RGL1: variants seen among roughly 807,000 people sequenced by gnomAD.
RGL1 encodes ral guanine nucleotide dissociation stimulator like 1.
RGL1 carries 24 observed loss-of-function variants against 95.2 expected under a neutral mutation model. The ratio of observed to expected loss-of-function variants is 0.25; its 90% CI spans 0.18 to 0.35. RGL1 has a LOEUF of 0.35. Among genes scored for constraint, RGL1 ranks in the 10% least tolerant of loss-of-function variants. The pLI, the probability that RGL1 is intolerant of heterozygous loss-of-function variation, is 1.00. For missense variants in RGL1, 715 were observed against 936.3 expected, an observed-to-expected ratio of 0.76 and a Z score of 3.08; for synonymous variants, 329 against 344.9, an observed-to-expected ratio of 0.95 and a Z score of 0.51.
At chr1:183,731,602 C>T (rs1156845309) in intron 1 of RGL1, among the ~76,000 whole-genome samples, 2 of 152,100 alleles carry the variant, frequency 1.3e-5, no homozygotes, top group African/African-American at 4.8e-5. Context: ...GTAACATGGC[C>T]ACAATTCTGT....
At chr1:183,650,458 G>C (rs1251444612) in intron 1 of RGL1, among the ~76,000 whole-genome samples, 1 of 152,108 alleles carries the variant, frequency 6.6e-6, no homozygotes, top group African/African-American at 2.4e-5. Flanking sequence ...CAGGAGAATA[G>C]CGTGAACCCA....
intron 1 of RGL1, chr1:183,636,509 A>C: frequency 4.5e-6 from 1 of 221,922 alleles, no homozygotes; most frequent in Admixed American, 5.8e-5. Flanking sequence ...TCGGTATCAA[A>C]TCTATTGGGA....
intron 1 of RGL1, among the ~76,000 whole-genome samples, chr1:183,717,721 A>G (rs535136638): frequency 2.0e-5 from 3 of 152,372 alleles, no homozygotes; most frequent in Non-Finnish European, 4.4e-5. Context: ...TGTGGCTGAT[A>G]AACTAGTGGA....
At chr1:183,715,213 A>T (rs942943908) in intron 1 of RGL1, among the ~76,000 whole-genome samples, 4 of 152,014 alleles carry the variant, frequency 2.6e-5, no homozygotes, top group African/African-American at 9.7e-5. Flanking sequence ...TGTTTGGATG[A>T]TCTCTGACAT....
intron 1 of RGL1, among the ~76,000 whole-genome samples, chr1:183,667,067 G>C (rs1184991069): frequency 2.6e-5 from 4 of 152,148 alleles, no homozygotes; most frequent in Admixed American, 1.3e-4. Flanking sequence ...TGTTTTCTTG[G>C]AGTATTGATC....
At chr1:183,808,334 A>G (rs1303699294) in intron 2 of RGL1, among the ~76,000 whole-genome samples, 1 of 152,194 alleles carries the variant, frequency 6.6e-6, no homozygotes, top group African/African-American at 2.4e-5. Flanking sequence ...AAATACTGAG[A>G]AGGAGGATAA....
intron 1 of RGL1, among the ~76,000 whole-genome samples, chr1:183,729,073 G>A (rs1656474864): frequency 6.6e-6 from 1 of 151,836 alleles, no homozygotes; most frequent in African/African-American, 2.4e-5. Flanking sequence ...ACACAAAATA[G>A]CATAAACATA....
At chr1:183,908,954 C>CT (rs1668494465) in intron 14 of RGL1, among the ~76,000 whole-genome samples, 1 of 152,186 alleles carries the variant, frequency 6.6e-6, no homozygotes, top group Non-Finnish European at 1.5e-5. Context: ...CCTGGATCCT[C>CT]TGTCTTCACT....
At chr1:183,858,916 A>G (rs1219765641) in intron 3 of RGL1, among the ~76,000 whole-genome samples, 1 of 152,234 alleles carries the variant, frequency 6.6e-6, no homozygotes, top group Non-Finnish European at 1.5e-5. Flanking sequence ...TTGATGTTAC[A>G]AAGCATGTTT....
intron 2 of RGL1, among the ~76,000 whole-genome samples, chr1:183,751,633 CA>C (rs1658006870): frequency 6.6e-6 from 1 of 152,132 alleles, no homozygotes; most frequent in Non-Finnish European, 1.5e-5. Flanking sequence ...AGTGTCTGCC[CA>C]AATGGCTGCC....
intron 1 of RGL1, among the ~76,000 whole-genome samples, chr1:183,664,022 A>G (rs1160543371): frequency 1.5e-5 from 2 of 133,926 alleles, no homozygotes; most frequent in Non-Finnish European, 3.1e-5. Flanking sequence ...ATGAGAACAC[A>G]TGGACACAGG....
intron 1 of RGL1, among the ~76,000 whole-genome samples, chr1:183,662,205 G>T (rs974846059): frequency 6.6e-6 from 1 of 151,370 alleles, no homozygotes; most frequent in African/African-American, 2.5e-5. Context: ...TGGAAGTTCT[G>T]GCCAGGGCAA....
At chr1:183,666,197 G>A (rs1173735470) in intron 1 of RGL1, among the ~76,000 whole-genome samples, 2 of 151,508 alleles carry the variant, frequency 1.3e-5, no homozygotes, top group Non-Finnish European at 2.9e-5. Flanking sequence ...TAGAGACAGG[G>A]TTTCTCCATG....
At chr1:183,817,458 T>C (rs2102446068) in intron 2 of RGL1, among the ~76,000 whole-genome samples, 1 of 152,320 alleles carries the variant, frequency 6.6e-6, no homozygotes, top group South Asian at 2.1e-4. Flanking sequence ...TCCTGTTCCT[T>C]CCTGTCCTTC....
chr1:183,726,954 C>T (rs1384473530), intron 1 of RGL1, among the ~76,000 whole-genome samples: 4 of 152,048 alleles, frequency 2.6e-5, no homozygotes, highest in Non-Finnish European at 4.4e-5. Context: ...GAATGTTCAA[C>T]CTATACCACT....
At chr1:183,845,710 C>G (rs1045201385) in intron 2 of RGL1, among the ~76,000 whole-genome samples, 2 of 152,198 alleles carry the variant, frequency 1.3e-5, no homozygotes, top group Non-Finnish European at 2.9e-5. Context: ...ACATTGCCGT[C>G]TGTGGACTGA....
intron 1 of RGL1, among the ~76,000 whole-genome samples, chr1:183,665,460 G>A (rs1029946345): frequency 6.6e-6 from 1 of 152,104 alleles, no homozygotes; most frequent in African/African-American, 2.4e-5. Flanking sequence ...ATAGATAATT[G>A]TGTAATATTT....
intron 1 of RGL1, chr1:183,646,351 C>T (rs1223449642): frequency 1.3e-5 from 2 of 151,996 alleles, no homozygotes; most frequent in Non-Finnish European, 1.5e-5. Flanking sequence ...TTTTCTTTCT[C>T]CTCCTCCCTT....
intron 2 of RGL1, among the ~76,000 whole-genome samples, chr1:183,823,415 T>A (rs1050520049): frequency 3.3e-5 from 5 of 152,234 alleles, no homozygotes; most frequent in African/African-American, 1.2e-4. Context: ...TTTGATTCAG[T>A]AAACCAATGT....
Sources: allele counts gnomAD v4.1 joint callset (sites outside exome capture counted in the v4.1 genomes callset), GRCh38; gene constraint gnomAD v4.1.1; transcripts MANE v1.5; gene names NCBI Gene and HGNC (gene_info 2026-07-23, HGNC 2026-07-21).